Variants in ZNF584 observed in about 807,000 individuals in gnomAD.
ZNF584 encodes zinc finger protein 584.
In ZNF584, 12 loss-of-function variants were observed where a neutral mutation model predicts 14.7. The ratio of observed to expected loss-of-function variants is 0.82; its 90% confidence interval spans 0.52 to 1.32. The LOEUF is 1.32. Among genes scored for constraint, ZNF584 ranks in the 40% most tolerant of loss-of-function variants. ZNF584 has a pLI of 0.00. For synonymous variants in ZNF584, 204 were observed against 190.9 expected (o/e 1.07, Z -0.57); for missense variants, 478 against 518.8 (o/e 0.92, Z 0.76).
chr19:58,410,585 A>ATGTG (rs1555785572), intron 2 of ZNF584, among the ~76,000 whole-genome samples: 1 of 26,252 alleles, frequency 3.8e-5, no homozygotes, highest in African/African-American at 3.5e-4. Context: ...ATATATATGT[A>ATGTG]TATATATGTA....
At chr19:58,414,621 C>T (rs549573659) in intron 2 of ZNF584, among the ~76,000 whole-genome samples, 1 of 152,118 alleles carries the variant, frequency 6.6e-6, no homozygotes, top group East Asian at 1.9e-4. Context: ...GGATTACAGG[C>T]ATGAGCCACC....
At position 58,414,487 on chromosome 19, in the gene ZNF584, T is replaced by C. The variant is rs377175494; in HGVS notation, c.170-1037T>C. On this transcript the variant is annotated intron_variant, in intron 2 of 3. Transcript: ENST00000306910. ...CTGAGTAGCTGGGACTACAGGCGCC[T>C]GCCACCATGCCCGGGTAATTTTTTT... 1.4e-3 allele frequency among the ~76,000 whole-genome samples: 211 copies of C among 151,050 alleles called. 6 individuals are homozygous for C. The South Asian group carries it at 0.039, about 28-fold the overall frequency.
chr19:58,418,203 A>G lies in ZNF584; in HGVS notation c.*419A>G, dbSNP rs1272301126. 4.8e-6 allele frequency: 1 copy of G among 209,494 alleles called. No homozygotes were observed. The allele number at this position is 209,494 out of a possible 1,614,324, so 13.0% of individuals were successfully genotyped here. ...GGTATCTGCTGGGGGCTTCCTGGGA[A>G]GGTTTACCATTTTCATGGAAATGGT... On this transcript the variant is annotated 3_prime_UTR_variant, in exon 4 of 4. Transcript: ENST00000306910.
rs1319238491 is a variant in ZNF584 at position 58,415,534 on chromosome 19, T to A, written c.180T>A (p.Pro60=). The part of the protein sequence containing the change: ...FALVSSLGLA[P]SRSPVFTQLE... ...ACCTGTCACCCGCAGGACTTGCACC[T>A]TCGAGATCCCCTGTGTTTACCCAGC... The change falls in exon 3 of 4, where the codon CCT becomes CCA. Residue 60 remains proline (P), a synonymous_variant. Coordinates refer to ENST00000306910, the MANE Select transcript of ZNF584 (RefSeq NM_173548.3). 6.2e-7 allele frequency: 1 copy of A among 1,612,960 alleles called. No individual in the cohort carries two copies. Among genetic ancestry groups the A allele is most frequent in the Admixed American group, 1.7e-5 (1 of 59,974 alleles).
At position 58,408,683 on chromosome 19, in the gene ZNF584, G is replaced by A. The variant is rs11878203; in HGVS notation, c.-465G>A. Reference sequence around the variant, plus strand: ...ACGACCCAGCCGCGCCGCGAGGAGAGCCGGGAATGGAGGTCGTGGCGTGAG... The same window carrying A: ...ACGACCCAGCCGCGCCGCGAGGAGAACCGGGAATGGAGGTCGTGGCGTGAG... On this transcript the variant is annotated 5_prime_UTR_variant, in exon 1 of 4. Coordinates refer to ENST00000306910, the MANE Select transcript of ZNF584 (RefSeq NM_173548.3). 0.18 allele frequency: 27,913 copies of A among 159,022 alleles called. 2,717 individuals carry two copies. The highest frequency in any genetic ancestry group is 0.22 in the Non-Finnish European group (15,660 of 72,280). 9.9% of individuals were successfully genotyped at this position (159,022 alleles called of 1,614,324 possible).
intron 2 of ZNF584, among the ~76,000 whole-genome samples, chr19:58,410,527 A>ATGTG (rs1245021485): frequency 5.8e-5 from 1 of 17,378 alleles, no homozygotes; most frequent in East Asian, 9.1e-4. Context: ...AAATATATAT[A>ATGTG]TATATATATA....
rs967547042 is a variant in ZNF584, at chr19:58,408,974, G to T, written c.-174G>T. On this transcript the variant is annotated 5_prime_UTR_variant, in exon 1 of 4. Transcript: ENST00000306910. Reference sequence around the variant, plus strand: ...GGCGCCGTGGGTCTCCCGGGCCTCCGTACCGTCCTCCTTCCCAGCGGCTCC... The same window carrying T: ...GGCGCCGTGGGTCTCCCGGGCCTCCTTACCGTCCTCCTTCCCAGCGGCTCC... 1 of 762,172 alleles carries T rather than the reference G, an allele frequency of 1.3e-6. No homozygotes were observed. Among genetic ancestry groups the T allele is most frequent in the Non-Finnish European group, 1.9e-6 (1 of 515,382 alleles). 47.2% of individuals were successfully genotyped at this position (762,172 alleles called of 1,614,324 possible).
intron 2 of ZNF584, among the ~76,000 whole-genome samples, 189 bp downstream of exon 2, chr19:58,410,280 A>G (rs1040349796): frequency 2.0e-5 from 3 of 151,380 alleles, no homozygotes; most frequent in East Asian, 1.9e-4. Context: ...TCTCTGAGCA[A>G]TGCTGTTGGC....
rs764187122 is a variant in ZNF584 at position 58,415,603 on chromosome 19, G to C, written c.249G>C (p.Val83=). The C allele has an allele frequency of 5.1e-5, 83 of 1,614,006 alleles. No homozygotes were observed. Among genetic ancestry groups the C allele is most frequent in the Admixed American group, 6.7e-5 (4 of 59,998 alleles). Residue 83 remains valine (V), a synonymous_variant, in exon 3 of 4, where the codon GTG becomes GTC. Transcript: ENST00000306910. ...CGTGGGTGCCCAGCTGGGTGGATGT[G>C]ACTCCAGTCAGCAGAGCAGAAGCCA... ...EQSWVPSWVD[V]TPVSRAEARR... is the part of the protein sequence containing the mutation.
At chr19:58,415,093 C>T (rs953526073) in intron 2 of ZNF584, among the ~76,000 whole-genome samples, 6 of 151,978 alleles carry the variant, frequency 3.9e-5, no homozygotes, top group Non-Finnish European at 8.8e-5. Context: ...GGGGGTTTCA[C>T]CGTGTTAGCC....
intron 2 of ZNF584, among the ~76,000 whole-genome samples, chr19:58,413,048 C>A (rs1051322995): frequency 6.6e-6 from 1 of 151,994 alleles, no homozygotes; most frequent in Non-Finnish European, 1.5e-5. Context: ...TGTTTTTTGT[C>A]ACTCTAGGTA....
At chr19:58,401,847 T>C (rs949999645) in intron 1 of ZNF584, among the ~76,000 whole-genome samples, 4 of 119,938 alleles carry the variant, frequency 3.3e-5, no homozygotes, top group African/African-American at 1.4e-4. Flanking sequence ...TCCAAACACA[T>C]AGTATAACGT....
chr19:58,409,366 G>T (rs1444669903), intron 1 of ZNF584, among the ~76,000 whole-genome samples: 1 of 152,230 alleles, frequency 6.6e-6, no homozygotes, highest in Non-Finnish European at 1.5e-5. Flanking sequence ...CGTAGTTGCT[G>T]TGCCAGGCCC....
chr19:58,406,858 C>A (rs1451872854), upstream of ZNF584: 1 of 152,414 alleles, frequency 6.6e-6, no homozygotes, highest in Admixed American at 6.5e-5. Flanking sequence ...CAGGCATGTA[C>A]CATGAGCTTG....
Position 58,415,665 on chromosome 19 carries a change from A to C in ZNF584, c.292+19A>C. 6.2e-7 allele frequency: 1 copy of C among 1,612,142 alleles called. No individual in the cohort carries two copies. Among genetic ancestry groups the C allele is most frequent in the Non-Finnish European group, 8.5e-7 (1 of 1,178,722 alleles). ...GGTCTTGGTAAGTGGAGTGGAGGGGAATACCTTGGTTTCAGCAGTGGGCTC... is the reference window on the plus strand; with the variant it reads ...GGTCTTGGTAAGTGGAGTGGAGGGGCATACCTTGGTTTCAGCAGTGGGCTC... On this transcript the variant is annotated intron_variant, in intron 3 of 3. Transcript: ENST00000306910.
intron 1 of ZNF584, 64 bp from the exon 2 acceptor site, chr19:58,409,877 G>C (rs951992982): frequency 2.8e-5 from 45 of 1,600,296 alleles, no homozygotes; most frequent in Non-Finnish European, 3.6e-5. Flanking sequence ...TACAGGTCAA[G>C]GGCCTGAATG....
chr19:58,411,339 C>A (rs1280125327), intron 2 of ZNF584, among the ~76,000 whole-genome samples: 1 of 151,608 alleles, frequency 6.6e-6, no homozygotes, highest in Non-Finnish European at 1.5e-5. Context: ...CCAGCGTGGT[C>A]AACATGGTGA....
In ZNF584 at chr19:58,409,981, A is replaced by C; in HGVS notation, c.59A>C (p.Glu20Ala). The change falls in exon 2 of 4, where the codon GAG becomes GCG. Residue 20 changes from glutamate (E) to alanine (A), a missense_variant. This residue lies in a region of ZNF584 where 189 missense variants were observed against 177.9 expected (regional missense o/e 1.06). Transcript: ENST00000306910. ...TCATTGCAGGGCTTGGTGATGTTTGAGGATGTGACGGTATATTTCTCCAGG... is the reference window on the plus strand; with the variant it reads ...TCATTGCAGGGCTTGGTGATGTTTGCGGATGTGACGGTATATTTCTCCAGG... ...DPSLQGLVMF[E>A]DVTVYFSREE... 6.2e-7 allele frequency: 1 copy of C among 1,613,894 alleles called. No homozygotes were observed. The highest frequency in any genetic ancestry group is 8.5e-7 in the Non-Finnish European group (1 of 1,179,960).
chr19:58,413,352 T>A (rs933697980), intron 2 of ZNF584, among the ~76,000 whole-genome samples: 1 of 152,042 alleles, frequency 6.6e-6, no homozygotes, highest in Non-Finnish European at 1.5e-5. Context: ...TTTTCTTTTT[T>A]TTTAATTTTT....
Sources: allele counts gnomAD v4.1 joint callset (sites outside exome capture counted in the v4.1 genomes callset), GRCh38; gene constraint gnomAD v4.1.1; regional missense constraint gnomAD v4.1.1; transcripts MANE v1.5; gene names NCBI Gene and HGNC (gene_info 2026-07-23, HGNC 2026-07-21).